The following NAMPT variants were observed in gnomAD, a reference collection of about 807,000 sequenced individuals.
The protein encoded by NAMPT is nicotinamide phosphoribosyltransferase.
In NAMPT, 7 loss-of-function variants were observed where a neutral mutation model predicts 58.7. The observed-to-expected ratio is 0.12, with a 90% confidence interval of 0.07 to 0.22. The LOEUF (loss-of-function observed/expected upper bound fraction) is 0.22, where lower values mean the gene tolerates loss of function less well. Ranked by LOEUF, NAMPT falls within the 10% of genes least tolerant of loss-of-function variation. The probability of loss-of-function intolerance (pLI) is 1.00; values close to 1 mark genes in which losing one functional copy is unlikely to be tolerated. For synonymous variants in NAMPT, 145 were observed against 198.1 expected (o/e 0.73, Z 2.25); for missense variants, 271 against 567.9 (o/e 0.48, Z 5.31).
At position 106,284,894 on chromosome 7, in the gene NAMPT, G is replaced by C. The variant is rs753179771; in HGVS notation, c.-10C>G. On this transcript the variant is annotated 5_prime_UTR_variant, in exon 1 of 11. Coordinates refer to ENST00000222553, the MANE Select transcript of NAMPT (RefSeq NM_005746.3). ...CTGCCGCAGGATTCATCTCGGGCCG[G>C]AGGACAGGGGCCGCGCGCCGCGAGC... 1.3e-6 allele frequency: 2 copies of C among 1,581,560 alleles called. No individual in the cohort carries two copies. The highest frequency in any genetic ancestry group is 8.6e-7 in the Non-Finnish European group (1 of 1,162,980).
In NAMPT at chr7:106,260,208, G is replaced by C. The variant is rs1033438785; in HGVS notation, c.1089+1380C>G. The stretch of plus-strand genomic sequence containing the variant: ...GCTGTTTCCTCTACACTGACAATCT[G>C]TTTAGTCACCTGCATCAATGATCTT... On this transcript the variant is annotated intron_variant, in intron 8 of 10. Coordinates refer to ENST00000222553, the MANE Select transcript of NAMPT (RefSeq NM_005746.3). Among the ~76,000 whole-genome samples, 3 of 152,198 alleles carry C rather than the reference G, an allele frequency of 2.0e-5. No individual in the cohort carries two copies. In the East Asian group the frequency reaches 5.8e-4, roughly 29 times the overall value.
intron 1 of NAMPT, among the ~76,000 whole-genome samples, chr7:106,283,625 GACAATATTCAA>G (rs1792807034): frequency 1.3e-5 from 2 of 152,112 alleles, no homozygotes; most frequent in Non-Finnish European, 2.9e-5. Flanking sequence ...ACGTATACTT[GACAATATTCAA>G]GAATCATACT....
At chr7:106,283,825 CGGA>C (rs1279385706) in intron 1 of NAMPT, among the ~76,000 whole-genome samples, 1 of 151,868 alleles carries the variant, frequency 6.6e-6, no homozygotes, top group East Asian at 1.9e-4. Context: ...CTCGGAATAT[CGGA>C]GGAGGGCTAA....
intron 6 of NAMPT, among the ~76,000 whole-genome samples, chr7:106,264,113 T>C (rs1435419511): frequency 6.6e-6 from 1 of 152,086 alleles, no homozygotes; most frequent in Admixed American, 6.5e-5. Context: ...CAAAATCTTA[T>C]ACTTAGAGGC....
upstream of NAMPT, chr7:106,285,110 A>G (rs2115855842): frequency 7.5e-7 from 1 of 1,336,892 alleles, no homozygotes; most frequent in Non-Finnish European, 9.6e-7. Context: ...GCAGTCTGGG[A>G]GCTCTGGCGG....
intron 2 of NAMPT, 162 bp downstream of exon 2, chr7:106,276,861 T>C: frequency 1.7e-6 from 1 of 599,124 alleles, no homozygotes; most frequent in Non-Finnish European, 2.8e-6. Context: ...AAAAAAAACC[T>C]TTTATTTCAG....
rs1792304825 is a variant in NAMPT, at chr7:106,261,671, C to T, written c.1006G>A (p.Glu336Lys). ...EILGKKFPVT[E>K]NSKGYKLLPP... ...AGCAACTTGTAACCCTTTGAGTTCT[C>T]AGTAACAGGAAACTTCTTACCTAAA... The change falls in exon 8 of 11, where the codon GAG becomes AAG. Residue 336 changes from glutamate to lysine, a missense_variant. By Grantham distance (56) the Glu-to-Lys change is moderately conservative. Coordinates refer to ENST00000222553, the MANE Select transcript of NAMPT (RefSeq NM_005746.3). The T allele has an allele frequency of 6.2e-7, 1 of 1,602,010 alleles. No homozygotes were observed.
At chr7:106,274,854 CAAAA>C in intron 3 of NAMPT, 88 bp downstream of exon 3, 1 of 847,546 alleles carries the variant, frequency 1.2e-6, no homozygotes, top group South Asian at 1.6e-5. Flanking sequence ...CACTTTCTCT[CAAAA>C]AACACAAAAC....
At chr7:106,268,163 G>T (rs900332161) in intron 6 of NAMPT, among the ~76,000 whole-genome samples, 5 of 151,882 alleles carry the variant, frequency 3.3e-5, no homozygotes, top group African/African-American at 1.2e-4. Context: ...TAAATTTAAT[G>T]AATAAAATCT....
Position 106,274,968 on chromosome 7 carries a change from T to C in NAMPT, c.296A>G (p.Lys99Arg). 2 of 1,609,516 alleles carry C rather than the reference T, an allele frequency of 1.2e-6. No individual in the cohort carries two copies. The highest frequency in any genetic ancestry group is 1.7e-6 in the Non-Finnish European group (2 of 1,176,466). The change falls in exon 3 of 11, where the codon AAG becomes AGG. Residue 99 changes from lysine to arginine, a missense_variant. Physicochemically the swap from Lys to Arg is conservative, Grantham distance 26. Around this residue, in one of 4 missense-constraint regions of NAMPT, gnomAD observed 103 missense variants for 194.2 expected, o/e 0.53. Coordinates refer to ENST00000222553, the MANE Select transcript of NAMPT (RefSeq NM_005746.3). Reference protein sequence around the residue: ...EHFQDDVFNEKGWNYILEKYD... With the variant: ...EHFQDDVFNERGWNYILEKYD... ...TACCTCAAGAATGTAGTTCCATCCC[T>C]TTTCATTAAAGACATCATCTTGGAA... is the stretch of plus-strand genomic sequence containing the variant.
In NAMPT at chr7:106,248,854, T is replaced by C. The variant is rs1007155992; in HGVS notation, c.*2229A>G. 4 of 152,124 alleles carry C rather than the reference T, an allele frequency of 2.6e-5. No homozygotes were observed. The highest frequency in any genetic ancestry group is 9.7e-5 in the African/African-American group (4 of 41,448). The allele number at this position is 152,124 out of a possible 1,614,324, so 9.4% of individuals were successfully genotyped here. ...AGATGGCCAAATACCAAGTGCTTAG[T>C]GACAGAAAGTCAGAATTAATCAGTT... On this transcript the variant is annotated 3_prime_UTR_variant, in exon 11 of 11. Coordinates refer to ENST00000222553, the MANE Select transcript of NAMPT (RefSeq NM_005746.3).
At position 106,250,534 on chromosome 7, in the gene NAMPT, T is replaced by C. The variant is rs1356911078; in HGVS notation, c.*549A>G. 6.5e-6 allele frequency: 1 copy of C among 154,512 alleles called. No individual in the cohort carries two copies. The highest frequency in any genetic ancestry group is 1.4e-5 in the Non-Finnish European group (1 of 69,304). 9.6% of individuals were successfully genotyped at this position (154,512 alleles called of 1,614,324 possible). On this transcript the variant is annotated 3_prime_UTR_variant, in exon 11 of 11. Transcript: ENST00000222553. ...ATGTCCCGACATAATTTTCAAATTG[T>C]ACAATAACACAAACAACTTTGTTAA... is the stretch of plus-strand genomic sequence containing the variant.
chr7:106,251,001 G>A lies in NAMPT; in HGVS notation c.*82C>T, dbSNP rs1442026098. 1 of 1,054,392 alleles carries A rather than the reference G, an allele frequency of 9.5e-7. No homozygotes were observed. Among genetic ancestry groups the A allele is most frequent in the Non-Finnish European group, 1.5e-6 (1 of 688,420 alleles). 65.3% of individuals were successfully genotyped at this position (1,054,392 alleles called of 1,614,324 possible). ...AACCAACAAATAATTTGGCTGTAAT[G>A]TATCATAAAACACAAACCCCACACA... On this transcript the variant is annotated 3_prime_UTR_variant, in exon 11 of 11. Coordinates refer to ENST00000222553, the MANE Select transcript of NAMPT (RefSeq NM_005746.3).
chr7:106,277,754 T>C lies in NAMPT; in HGVS notation c.58-575A>G, dbSNP rs142238478. ...TGTTTTGTAATCTCCCTTTGTCAAATCACCCACCTAACTGGAAAATAAATT... is the reference window on the plus strand; with the variant it reads ...TGTTTTGTAATCTCCCTTTGTCAAACCACCCACCTAACTGGAAAATAAATT... On this transcript the variant is annotated intron_variant, in intron 1 of 10. Coordinates refer to ENST00000222553, the MANE Select transcript of NAMPT (RefSeq NM_005746.3). Among the ~76,000 whole-genome samples, 10 of 152,284 alleles carry C rather than the reference T, an allele frequency of 6.6e-5. No homozygotes were observed. In the East Asian group the frequency reaches 1.2e-3, roughly 18 times the overall value.
chr7:106,275,083 A>G (rs367775213), intron 2 of NAMPT, 34 bp from the exon 3 acceptor site: 8 of 1,353,234 alleles, frequency 5.9e-6, no homozygotes, highest in Non-Finnish European at 8.4e-6. Context: ...TTACATTTCT[A>G]AAGGTGCATT....
At chr7:106,267,827 C>T (rs375743163) in intron 6 of NAMPT, among the ~76,000 whole-genome samples, 5 of 61,030 alleles carry the variant, frequency 8.2e-5, no homozygotes, top group Non-Finnish European at 1.3e-4. Flanking sequence ...GGCGACAGAG[C>T]GAGACTCCGT....
chr7:106,256,565 C>G (rs1350672636), intron 8 of NAMPT, among the ~76,000 whole-genome samples: 1 of 152,116 alleles, frequency 6.6e-6, no homozygotes, highest in African/African-American at 2.4e-5. Context: ...CACAAACATA[C>G]AATGGTTCAA....
At chr7:106,252,366 C>G (rs1167699531) in intron 10 of NAMPT, among the ~76,000 whole-genome samples, 2 of 151,972 alleles carry the variant, frequency 1.3e-5, no homozygotes, top group Non-Finnish European at 2.9e-5. Context: ...TCAATTCTGG[C>G]TCAAAACCTT....
chr7:106,263,491 T>A lies in NAMPT; in HGVS notation c.870A>T (p.Ile290=), dbSNP rs1200296457. 3.1e-6 allele frequency: 5 copies of A among 1,607,078 alleles called. No homozygotes were observed. The African/African-American group carries it at 6.7e-5, about 21-fold the overall frequency. Residue 290 remains isoleucine (I), a synonymous_variant, in exon 7 of 11, where the codon ATA becomes ATT. Transcript: ENST00000222553. ...SYDIYNACEK[I]WGEDLRHLIV... ...TTAAATGTCTTAGATCTTCACCCCA[T>A]ATTTTCTCACACGCATTATAAATGT...
Sources: allele counts gnomAD v4.1 joint callset (sites outside exome capture counted in the v4.1 genomes callset), GRCh38; gene constraint gnomAD v4.1.1; regional missense constraint gnomAD v4.1.1; transcripts MANE v1.5; gene names NCBI Gene and HGNC (gene_info 2026-07-23, HGNC 2026-07-21).